The following DTNB variants were observed in gnomAD, a reference collection of about 807,000 sequenced individuals.
The protein encoded by DTNB is DTN-B.
A neutral mutation model predicts 90.7 loss-of-function variants in DTNB; 63 were observed. That is an observed-to-expected ratio of 0.69 (90% CI 0.57 to 0.86). DTNB has a LOEUF of 0.86. Ranked by LOEUF, DTNB falls within the 40% of genes least tolerant of loss-of-function variation. The probability of loss-of-function intolerance (pLI) is 0.00; values close to 1 mark genes in which losing one functional copy is unlikely to be tolerated. For missense variants in DTNB, 744 were observed against 807.1 expected (o/e 0.92, Z 0.95); for synonymous variants, 277 against 286.7 (o/e 0.97, Z 0.34).
chr2:25,558,916 T>G (rs2057805334), intron 8 of DTNB, among the ~76,000 whole-genome samples: 1 of 152,142 alleles, frequency 6.6e-6, no homozygotes, highest in South Asian at 2.1e-4. Context: ...AGCAGTCACT[T>G]TAGCTCTAAG....
At chr2:25,639,307 A>G (rs2077725599) in intron 2 of DTNB, 1 of 416,622 alleles carries the variant, frequency 2.4e-6, no homozygotes, top group Non-Finnish European at 4.3e-6. Context: ...CTAGCTCCTG[A>G]TATCCTGTCT....
At chr2:25,403,784 T>C (rs1336893567) in intron 16 of DTNB, among the ~76,000 whole-genome samples, 2 of 152,246 alleles carry the variant, frequency 1.3e-5, no homozygotes, top group African/African-American at 4.8e-5. Flanking sequence ...GGCTTTGCAG[T>C]TGGATAAACC....
intron 6 of DTNB, among the ~76,000 whole-genome samples, chr2:25,595,355 G>A (rs2064367088): frequency 1.3e-5 from 2 of 152,256 alleles, no homozygotes; most frequent in African/African-American, 2.4e-5. Context: ...TCAATATCCT[G>A]TTTCCATTAA....
At chr2:25,603,309 T>C (rs1464733189) in intron 5 of DTNB, among the ~76,000 whole-genome samples, 1 of 152,234 alleles carries the variant, frequency 6.6e-6, no homozygotes, top group African/African-American at 2.4e-5. Context: ...AGTTATATTT[T>C]GGGTTTCTGA....
intron 4 of DTNB, among the ~76,000 whole-genome samples, chr2:25,624,577 T>C (rs1426749523): frequency 6.6e-6 from 1 of 152,178 alleles, no homozygotes; most frequent in Non-Finnish European, 1.5e-5. Context: ...TGTCAGCCTA[T>C]ACACATGTTG....
intron 8 of DTNB, among the ~76,000 whole-genome samples, chr2:25,564,015 C>T (rs932549700): frequency 1.3e-5 from 2 of 152,198 alleles, no homozygotes; most frequent in Non-Finnish European, 2.9e-5. Context: ...CATTCTCCTA[C>T]CTCAGCCTCC....
chr2:25,652,854 A>G (rs2081239310), intron 1 of DTNB, 193 bp from the exon 2 acceptor site: 2 of 504,948 alleles, frequency 4.0e-6, no homozygotes, highest in Admixed American at 7.5e-5. Context: ...AGCTTCTAAA[A>G]TATTAGTAAA....
chr2:25,484,568 C>T (rs1010954275), intron 9 of DTNB, among the ~76,000 whole-genome samples: 5 of 152,088 alleles, frequency 3.3e-5, no homozygotes, highest in African/African-American at 1.2e-4. Context: ...TCTTCTTAAA[C>T]CAACTGCATT....
chr2:25,559,545 A>G (rs2057931446), intron 8 of DTNB, among the ~76,000 whole-genome samples: 1 of 152,230 alleles, frequency 6.6e-6, no homozygotes, highest in East Asian at 1.9e-4. Flanking sequence ...GCGGAGTCCA[A>G]CATTACTACT....
intron 8 of DTNB, among the ~76,000 whole-genome samples, chr2:25,555,213 C>G (rs1331882544): frequency 6.6e-6 from 1 of 150,456 alleles, no homozygotes; most frequent in East Asian, 2.0e-4. Flanking sequence ...ATGACATGAA[C>G]CCAGGAGGCG....
At chr2:25,547,386 A>G (rs888034354) in intron 8 of DTNB, among the ~76,000 whole-genome samples, 1 of 143,034 alleles carries the variant, frequency 7.0e-6, no homozygotes. Context: ...GTGCAATGGC[A>G]CAATCTCGGC....
chr2:25,395,729 T>C (rs1175799342), intron 16 of DTNB, among the ~76,000 whole-genome samples: 2 of 152,122 alleles, frequency 1.3e-5, no homozygotes, highest in African/African-American at 4.8e-5. Context: ...ATGTAATTGA[T>C]AAAGGTACTT....
At chr2:25,633,785 G>A (rs1021025951) in intron 3 of DTNB, among the ~76,000 whole-genome samples, 6 of 151,114 alleles carry the variant, frequency 4.0e-5, no homozygotes, top group East Asian at 2.0e-4. Context: ...CTGCCCGGCC[G>A]CTCATCGTCT....
chr2:25,629,886 C>T (rs1032939299), intron 3 of DTNB, among the ~76,000 whole-genome samples: 2 of 152,080 alleles, frequency 1.3e-5, no homozygotes, highest in Non-Finnish European at 2.9e-5. Context: ...AAGAGATACG[C>T]TGCATTTTAT....
chr2:25,611,930 T>C (rs1251526005), intron 4 of DTNB, among the ~76,000 whole-genome samples: 1 of 152,172 alleles, frequency 6.6e-6, no homozygotes, highest in Admixed American at 6.5e-5. Flanking sequence ...AGCAGAAGAA[T>C]TAATGTAATT....
intron 9 of DTNB, among the ~76,000 whole-genome samples, chr2:25,486,144 TAAAATAAAATAAA>T (rs1323505971): frequency 1.3e-5 from 2 of 148,410 alleles, no homozygotes; most frequent in Non-Finnish European, 3.0e-5. Context: ...TAAAATAAAA[TAAAATAAAATAAA>T]AAAATAAAAA....
intron 1 of DTNB, among the ~76,000 whole-genome samples, chr2:25,658,138 T>A (rs1254952627): frequency 6.6e-6 from 1 of 151,428 alleles, no homozygotes; most frequent in Non-Finnish European, 1.5e-5. Context: ...ACACCTGTAG[T>A]CCCAGCTACT....
intron 8 of DTNB, among the ~76,000 whole-genome samples, chr2:25,545,248 C>T (rs528715924): frequency 1.3e-5 from 2 of 152,280 alleles, no homozygotes; most frequent in African/African-American, 4.8e-5. Flanking sequence ...TTAACAATGC[C>T]ACTATTCCCA....
intron 8 of DTNB, among the ~76,000 whole-genome samples, chr2:25,537,072 CTCTGTTATACTG>C (rs1190371604): frequency 6.6e-5 from 10 of 152,140 alleles, no homozygotes; most frequent in African/African-American, 2.4e-4. Context: ...GTTTGTCCAT[CTCTGTTATACTG>C]CTGCTTCTGA....
Sources: allele counts gnomAD v4.1 joint callset (sites outside exome capture counted in the v4.1 genomes callset), GRCh38; gene constraint gnomAD v4.1.1; transcripts MANE v1.5; gene names NCBI Gene and HGNC (gene_info 2026-07-23, HGNC 2026-07-21).